The following RANBP2 variants were observed in gnomAD, a reference collection of about 807,000 sequenced individuals.
The protein encoded by RANBP2 is E3 SUMO-protein ligase RanBP2.
Under a neutral mutation model 303.6 loss-of-function variants are expected in RANBP2, and 57 were observed. The ratio of observed to expected loss-of-function variants is 0.19; its 90% CI spans 0.15 to 0.23. The LOEUF (loss-of-function observed/expected upper bound fraction) is 0.23. Ranked by LOEUF, RANBP2 falls within the 10% of genes least tolerant of loss-of-function variation. The pLI is 1.00. For missense variants in RANBP2, 3,138 were observed against 3,780.8 expected (o/e 0.83, Z 4.46); for synonymous variants, 1,167 against 1,301.5 (o/e 0.90, Z 2.23).
At chr2:109,260,584 G>C in the RANBP2 span, among the ~76,000 whole-genome samples, 1 of 152,226 alleles carries the variant, frequency 6.6e-6, no homozygotes, top group Non-Finnish European at 1.5e-5. Flanking sequence ...TCCCGATCTT[G>C]TATGTGGAGT....
the RANBP2 span, among the ~76,000 whole-genome samples, chr2:109,637,309 T>C: frequency 1.5e-3 from 234 of 152,304 alleles, 1 homozygote; most frequent in Middle Eastern, 0.02. Context: ...TCGGGTTTTA[T>C]ACCGAGACAT....
At chr2:108,964,466 G>A in the RANBP2 span, among the ~76,000 whole-genome samples, 2 of 152,116 alleles carry the variant, frequency 1.3e-5, no homozygotes, top group South Asian at 2.1e-4. Flanking sequence ...CCCAAAATAT[G>A]AGAAATAAAA....
At chr2:108,930,462 C>A in the RANBP2 span, among the ~76,000 whole-genome samples, 1 of 152,084 alleles carries the variant, frequency 6.6e-6, no homozygotes, top group African/African-American at 2.4e-5. Flanking sequence ...CTAGAACCAC[C>A]CTGCCTCACC....
chr2:109,148,989 G>A, the RANBP2 span, among the ~76,000 whole-genome samples: 1 of 152,216 alleles, frequency 6.6e-6, no homozygotes, highest in African/African-American at 2.4e-5. Flanking sequence ...TTGTTTCCCT[G>A]TTTGCACTTC....
the RANBP2 span, chr2:108,897,242 A>G: frequency 4.6e-5 from 74 of 1,610,874 alleles, no homozygotes; most frequent in South Asian, 5.4e-4. Context: ...ACAGACACCA[A>G]TGGCCACAGT....
chr2:109,008,630 C>T, the RANBP2 span, among the ~76,000 whole-genome samples: 29 of 150,170 alleles, frequency 1.9e-4, no homozygotes, highest in African/African-American at 5.9e-4. Context: ...AGGCTGGGTG[C>T]GGTGGCTCAC....
chr2:108,910,740 C>A, the RANBP2 span: 2 of 1,608,966 alleles, frequency 1.2e-6, no homozygotes, highest in Admixed American at 1.7e-5. Flanking sequence ...AGATGGGCAC[C>A]GTGCACATGG....
the RANBP2 span, among the ~76,000 whole-genome samples, chr2:108,941,506 C>A: frequency 6.6e-6 from 1 of 152,178 alleles, no homozygotes; most frequent in Non-Finnish European, 1.5e-5. Context: ...TCCTGGCGAC[C>A]CTTCCTGACC....
chr2:108,853,753 T>C, the RANBP2 span, among the ~76,000 whole-genome samples: 5 of 146,682 alleles, frequency 3.4e-5, no homozygotes, highest in South Asian at 1.0e-3. Flanking sequence ...CTCAAACTCC[T>C]GGGCTGAAGC....
At chr2:109,035,350 G>A in the RANBP2 span, among the ~76,000 whole-genome samples, 1 of 152,168 alleles carries the variant, frequency 6.6e-6, no homozygotes, top group African/African-American at 2.4e-5. Context: ...CCCTCTTACA[G>A]GTAAAATATC....
the RANBP2 span, among the ~76,000 whole-genome samples, chr2:108,888,862 C>T: frequency 6.6e-6 from 1 of 151,726 alleles, no homozygotes; most frequent in Admixed American, 6.6e-5. Flanking sequence ...TTTGTTCTTG[C>T]TTTTCTATTT....
At chr2:108,867,784 T>C in the RANBP2 span, among the ~76,000 whole-genome samples, 7 of 152,228 alleles carry the variant, frequency 4.6e-5, no homozygotes, top group Non-Finnish European at 8.8e-5. Context: ...TTTTGGTTGG[T>C]ATTGAATGTT....
the RANBP2 span, chr2:109,124,326 C>G: frequency 1.3e-5 from 2 of 152,246 alleles, no homozygotes; most frequent in East Asian, 1.9e-4. Context: ...AGGTGCCCAC[C>G]ACCACATCCG....
At chr2:109,615,259 G>A in the RANBP2 span, 3 of 1,562,922 alleles carry the variant, frequency 1.9e-6, no homozygotes, top group Non-Finnish European at 2.6e-6. Flanking sequence ...GAGGAGAGCA[G>A]CGGCGGAGGC....
chr2:109,025,346 C>G, the RANBP2 span, among the ~76,000 whole-genome samples: 207 of 152,100 alleles, frequency 1.4e-3, no homozygotes, highest in African/African-American at 4.8e-3. Flanking sequence ...TTTTCAGTTC[C>G]TTTGGGTATA....
chr2:109,557,217 C>T, the RANBP2 span, among the ~76,000 whole-genome samples: 3 of 151,942 alleles, frequency 2.0e-5, no homozygotes, highest in Non-Finnish European at 4.4e-5. Flanking sequence ...GAATGCATAA[C>T]AAACATAAGT....
the RANBP2 span, among the ~76,000 whole-genome samples, chr2:109,134,565 G>A: frequency 2.4e-4 from 37 of 152,324 alleles, no homozygotes; most frequent in Admixed American, 2.3e-3. Context: ...GGTGTTTTAA[G>A]TGTGGCTCAT....
the RANBP2 span, among the ~76,000 whole-genome samples, chr2:108,992,249 C>T: frequency 3.3e-5 from 5 of 152,180 alleles, no homozygotes; most frequent in South Asian, 2.1e-4. Context: ...TTCTACGTGC[C>T]GGTACTGTTC....
the RANBP2 span, among the ~76,000 whole-genome samples, chr2:109,730,064 GTGGGGATTACAGGTCCCTCCCTCAACACA>G: frequency 2.6e-5 from 4 of 152,102 alleles, no homozygotes; most frequent in Admixed American, 6.6e-5. Context: ...CCCTCAACAC[GTGGGGATTACAGGTCCCTCCCTCAACACA>G]TGGGGATTAC....
Sources: allele counts gnomAD v4.1 joint callset (sites outside exome capture counted in the v4.1 genomes callset), GRCh38; gene constraint gnomAD v4.1.1; transcripts MANE v1.5; gene names NCBI Gene and HGNC (gene_info 2026-07-23, HGNC 2026-07-21).